TFEC: variants seen among roughly 807,000 people sequenced by gnomAD.
TFEC encodes transcription factor EC.
Under a neutral mutation model 41.6 loss-of-function variants are expected in TFEC, and 31 were observed. That is an observed-to-expected ratio of 0.74 (90% CI 0.56 to 1.01). TFEC has a LOEUF of 1.01. Among genes scored for constraint, TFEC ranks in the 50% least tolerant of loss-of-function variants. The pLI is 0.00. For missense variants in TFEC, 402 were observed against 404.1 expected, an observed-to-expected ratio of 0.99 and a Z score of 0.04; for synonymous variants, 143 against 140.6, an observed-to-expected ratio of 1.02 and a Z score of -0.12.
intron 3 of TFEC, among the ~76,000 whole-genome samples, chr7:116,075,556 G>A (rs948521284): frequency 6.6e-6 from 1 of 152,186 alleles, no homozygotes; most frequent in Non-Finnish European, 1.5e-5. Context: ...GTGGGAGTGA[G>A]ACCAGCCTTT....
intron 1 of TFEC, among the ~76,000 whole-genome samples, chr7:115,987,292 C>A (rs1435743483): frequency 1.3e-5 from 2 of 152,142 alleles, no homozygotes; most frequent in East Asian, 1.9e-4. Context: ...AAATCTCTGA[C>A]TTTACTAACC....
chr7:116,106,632 C>T (rs1480841954), intron 3 of TFEC, among the ~76,000 whole-genome samples: 9 of 152,064 alleles, frequency 5.9e-5, no homozygotes, highest in Non-Finnish European at 1.3e-4. Context: ...TATGTCCACC[C>T]GCCTCAGCCT....
chr7:116,080,976 A>AGTGT (rs60317630), intron 3 of TFEC, among the ~76,000 whole-genome samples: 15,596 of 137,646 alleles, frequency 0.11, 819 homozygotes, highest in East Asian at 0.2. Context: ...AAGAAAATGT[A>AGTGT]GTGTGTGTGT....
intron 1 of TFEC, among the ~76,000 whole-genome samples, chr7:116,140,840 TC>T (rs1798526258): frequency 6.6e-6 from 1 of 152,202 alleles, no homozygotes; most frequent in Non-Finnish European, 1.5e-5. Context: ...AACTAACACA[TC>T]CATGAGACAT....
At chr7:115,966,069 A>G (rs1444146729) in intron 3 of TFEC, among the ~76,000 whole-genome samples, 1 of 151,724 alleles carries the variant, frequency 6.6e-6, no homozygotes, top group East Asian at 1.9e-4. Context: ...GTTTAAAAAT[A>G]CAACTTCCTT....
intron 2 of TFEC, among the ~76,000 whole-genome samples, chr7:115,976,423 T>G (rs1251984884): frequency 6.6e-6 from 1 of 151,978 alleles, no homozygotes; most frequent in Non-Finnish European, 1.5e-5. Context: ...AGACCCCATC[T>G]CCAAAAAATA....
At chr7:116,026,706 G>C (rs1446738921) in intron 1 of TFEC, among the ~76,000 whole-genome samples, 3 of 152,128 alleles carry the variant, frequency 2.0e-5, no homozygotes, top group Non-Finnish European at 2.9e-5. Context: ...AGAGAAAAAT[G>C]GTTGTTTGCA....
At chr7:115,943,861 T>C (rs1408800263) in intron 6 of TFEC, among the ~76,000 whole-genome samples, 2 of 151,244 alleles carry the variant, frequency 1.3e-5, no homozygotes, top group African/African-American at 4.8e-5. Flanking sequence ...AATACAAATG[T>C]ATAAATTGGA....
intron 1 of TFEC, among the ~76,000 whole-genome samples, chr7:116,028,032 G>A (rs55916318): frequency 0.18 from 26,990 of 152,060 alleles, 2,494 homozygotes; most frequent in East Asian, 0.33. Context: ...GGGCTTTCTC[G>A]CCTTGACCAA....
chr7:116,134,030 C>A (rs971061932), intron 1 of TFEC, among the ~76,000 whole-genome samples: 1 of 152,120 alleles, frequency 6.6e-6, no homozygotes, highest in African/African-American at 2.4e-5. Context: ...GCCAGTCAAT[C>A]CAGACTAAAA....
intron 3 of TFEC, among the ~76,000 whole-genome samples, chr7:115,964,367 A>C (rs1341329941): frequency 6.6e-6 from 1 of 151,604 alleles, no homozygotes; most frequent in Non-Finnish European, 1.5e-5. Context: ...AAACAACTTT[A>C]AAGGCAAGCG....
At chr7:116,101,095 T>C (rs1178965024) in intron 3 of TFEC, among the ~76,000 whole-genome samples, 1 of 152,038 alleles carries the variant, frequency 6.6e-6, no homozygotes, top group Non-Finnish European at 1.5e-5. Context: ...GCCTTTTTGG[T>C]ATAAACTTCA....
At chr7:116,041,112 G>A (rs1796027863) in intron 3 of TFEC, among the ~76,000 whole-genome samples, 1 of 152,094 alleles carries the variant, frequency 6.6e-6, no homozygotes, top group Admixed American at 6.6e-5. Context: ...ATTTCCCACA[G>A]TGTAAATAAC....
intron 1 of TFEC, among the ~76,000 whole-genome samples, chr7:116,015,926 G>A (rs76662500): frequency 0.021 from 3,142 of 152,268 alleles, 103 homozygotes; most frequent in African/African-American, 0.071. Context: ...ACACAAACGT[G>A]GTGGCCAGTT....
intron 1 of TFEC, among the ~76,000 whole-genome samples, chr7:116,029,937 A>G (rs1795732345): frequency 6.6e-6 from 1 of 151,266 alleles, no homozygotes. Flanking sequence ...GTGGTGGCGC[A>G]TGCCTGTAAT....
At chr7:116,155,773 A>C (rs1396925634) in intron 1 of TFEC, among the ~76,000 whole-genome samples, 1 of 152,164 alleles carries the variant, frequency 6.6e-6, no homozygotes, top group Non-Finnish European at 1.5e-5. Flanking sequence ...CTTTTTTATA[A>C]CATTCTTTGT....
chr7:116,087,237 TA>T (rs985630904), intron 3 of TFEC, among the ~76,000 whole-genome samples: 2 of 151,998 alleles, frequency 1.3e-5, no homozygotes, highest in Non-Finnish European at 2.9e-5. Flanking sequence ...ATAAACTATA[TA>T]AAAAACTCTT....
intron 1 of TFEC, among the ~76,000 whole-genome samples, chr7:116,029,298 C>T (rs1360369990): frequency 2.6e-5 from 4 of 151,840 alleles, no homozygotes; most frequent in African/African-American, 9.7e-5. Flanking sequence ...TAAAGTTTAG[C>T]CTACTTAAAG....
chr7:115,990,046 G>T (rs1471859639), intron 1 of TFEC, among the ~76,000 whole-genome samples: 1 of 152,150 alleles, frequency 6.6e-6, no homozygotes, highest in Non-Finnish European at 1.5e-5. Flanking sequence ...GAAGGATCAG[G>T]CAGCAAAATT....
Sources: allele counts gnomAD v4.1 joint callset (sites outside exome capture counted in the v4.1 genomes callset), GRCh38; gene constraint gnomAD v4.1.1; transcripts MANE v1.5; gene names NCBI Gene and HGNC (gene_info 2026-07-23, HGNC 2026-07-21).